Variants in ROBO2 observed in about 807,000 individuals in gnomAD.
The protein encoded by ROBO2 is roundabout homolog 2.
A neutral mutation model predicts 160.8 loss-of-function variants in ROBO2; 53 were observed. That is an observed-to-expected ratio of 0.33 (90% CI 0.26 to 0.41). The LOEUF (loss-of-function observed/expected upper bound fraction) is 0.41. ROBO2 is among the 10% of genes least tolerant of loss of function. The pLI is 1.00. For synonymous variants in ROBO2, 664 were observed against 611.7 expected, an observed-to-expected ratio of 1.09 and a Z score of -1.26; for missense variants, 1,577 against 1,722.4, an observed-to-expected ratio of 0.92 and a Z score of 1.49.
intron 2 of ROBO2, among the ~76,000 whole-genome samples, chr3:77,237,949 G>A (rs1036215924): frequency 1.3e-5 from 2 of 152,102 alleles, no homozygotes; most frequent in East Asian, 1.9e-4. Flanking sequence ...GATGTGCAAC[G>A]GTATCTCATT....
chr3:76,122,203 T>C (rs547931804), intron 2 of ROBO2, among the ~76,000 whole-genome samples: 3 of 152,046 alleles, frequency 2.0e-5, no homozygotes, highest in East Asian at 3.9e-4. Context: ...AGAAAAAATT[T>C]AGAGTCAGTC....
intron 2 of ROBO2, among the ~76,000 whole-genome samples, chr3:76,764,772 C>A (rs535278308): frequency 1.1e-3 from 162 of 151,790 alleles, no homozygotes; most frequent in African/African-American, 3.6e-3. Context: ...TCTCTAATCT[C>A]CTATGCAGTA....
At chr3:76,737,701 A>G (rs545117738) in intron 2 of ROBO2, among the ~76,000 whole-genome samples, 2 of 152,358 alleles carry the variant, frequency 1.3e-5, no homozygotes, top group Non-Finnish European at 1.5e-5. Flanking sequence ...GGAAACAACA[A>G]GAACTTCAAC....
intron 2 of ROBO2, among the ~76,000 whole-genome samples, chr3:76,658,592 T>A (rs939203251): frequency 6.6e-6 from 1 of 152,086 alleles, no homozygotes; most frequent in South Asian, 2.1e-4. Flanking sequence ...CAGTGCTTGG[T>A]TTTCTGTCTC....
intron 2 of ROBO2, among the ~76,000 whole-genome samples, chr3:77,016,035 G>A (rs1047962134): frequency 1.3e-5 from 2 of 151,572 alleles, no homozygotes; most frequent in African/African-American, 2.4e-5. Flanking sequence ...GGAGTGCTGT[G>A]GAGCAATCTC....
chr3:76,472,110 CGT>C (rs1475417747), intron 2 of ROBO2, among the ~76,000 whole-genome samples: 5,447 of 85,382 alleles, frequency 0.064, 152 homozygotes, highest in Middle Eastern at 0.093. Flanking sequence ...TGCGCGTGTG[CGT>C]GCGCATGTGT....
At chr3:76,652,923 G>T (rs1335063988) in intron 2 of ROBO2, among the ~76,000 whole-genome samples, 2 of 151,942 alleles carry the variant, frequency 1.3e-5, no homozygotes, top group African/African-American at 2.4e-5. Flanking sequence ...CTACATATGG[G>T]ACCTATAAGT....
At chr3:77,313,991 G>A (rs1333610937) in intron 2 of ROBO2, among the ~76,000 whole-genome samples, 1 of 152,200 alleles carries the variant, frequency 6.6e-6, no homozygotes, top group Non-Finnish European at 1.5e-5. Flanking sequence ...TCTGGCATAA[G>A]TATTGACTTT....
chr3:77,324,688 A>T (rs1370397314), intron 2 of ROBO2, among the ~76,000 whole-genome samples: 1 of 149,976 alleles, frequency 6.7e-6, no homozygotes, highest in Non-Finnish European at 1.5e-5. Flanking sequence ...AGGCTGAGGC[A>T]GGAGAATGGC....
intron 2 of ROBO2, among the ~76,000 whole-genome samples, chr3:76,022,286 A>C (rs2066596149): frequency 6.6e-6 from 1 of 151,762 alleles, no homozygotes; most frequent in Non-Finnish European, 1.5e-5. Flanking sequence ...GTTGGACTCA[A>C]CTTCTTCTAA....
intron 2 of ROBO2, among the ~76,000 whole-genome samples, chr3:76,195,326 A>G (rs990276349): frequency 1.3e-5 from 2 of 152,180 alleles, no homozygotes; most frequent in African/African-American, 2.4e-5. Flanking sequence ...TAAATAAGAC[A>G]TGGTCCCTGT....
At position 77,183,619 on chromosome 3, in the gene ROBO2, G is replaced by A. The variant is rs564169840; in HGVS notation, c.388+85279G>A. Among the ~76,000 whole-genome samples, 33 of 152,090 alleles carry A rather than the reference G, an allele frequency of 2.2e-4. 1 individual carries two copies. In the South Asian group the frequency reaches 5.8e-3, roughly 27 times the overall value. Reference sequence around the variant, plus strand: ...TTGAACTTCTAGGATCCAGAATTGTGAAACAATATATTTCTTTTGTGTCGG... The same window carrying A: ...TTGAACTTCTAGGATCCAGAATTGTAAAACAATATATTTCTTTTGTGTCGG... On this transcript the variant is annotated intron_variant, in intron 2 of 25. Coordinates refer to ENST00000461745, the Ensembl canonical transcript of ROBO2.
At chr3:77,124,093 G>A (rs142866148) in intron 2 of ROBO2, among the ~76,000 whole-genome samples, 65 of 151,800 alleles carry the variant, frequency 4.3e-4, no homozygotes, top group Non-Finnish European at 7.8e-4. Flanking sequence ...GGAAATCCCA[G>A]TGCCCAGTGT....
intron 2 of ROBO2, among the ~76,000 whole-genome samples, chr3:76,630,053 T>C (rs1004792454): frequency 2.6e-4 from 39 of 152,302 alleles, no homozygotes; most frequent in Non-Finnish European, 4.7e-4. Context: ...CTTGGCTGAC[T>C]TTGGTTTGCA....
At chr3:77,373,208 A>G in intron 2 of ROBO2, among the ~76,000 whole-genome samples, 1 of 148,150 alleles carries the variant, frequency 6.7e-6, no homozygotes, top group South Asian at 2.1e-4. Flanking sequence ...ATATAATAAA[A>G]TAATTAAAAT....
intron 2 of ROBO2, among the ~76,000 whole-genome samples, chr3:76,134,898 C>A (rs574455824): frequency 6.6e-6 from 1 of 152,038 alleles, no homozygotes; most frequent in African/African-American, 2.4e-5. Context: ...GACTAAGCCA[C>A]GGTAACAAAT....
intron 14 of ROBO2, among the ~76,000 whole-genome samples, chr3:77,575,607 C>A (rs1201920350): frequency 2.0e-5 from 3 of 152,060 alleles, no homozygotes; most frequent in African/African-American, 7.2e-5. Flanking sequence ...CAGTGTGATA[C>A]ACTGGCAGGG....
chr3:77,526,114 A>G (rs1051437899), intron 6 of ROBO2, among the ~76,000 whole-genome samples: 4 of 151,320 alleles, frequency 2.6e-5, no homozygotes, highest in South Asian at 2.1e-4. Context: ...AACACACCCT[A>G]TATGTTAGGC....
At chr3:76,171,359 T>C (rs1264682451) in intron 2 of ROBO2, among the ~76,000 whole-genome samples, 1 of 151,294 alleles carries the variant, frequency 6.6e-6, no homozygotes, top group African/African-American at 2.4e-5. Context: ...AAAAAAAACC[T>C]CTGAGGATTC....
Sources: gnomAD v4.1 joint callset for allele counts (sites outside exome capture counted in the v4.1 genomes callset) on GRCh38, gnomAD v4.1.1 for gene constraint, MANE v1.5 for transcripts, NCBI Gene and HGNC (gene_info 2026-07-23, HGNC 2026-07-21) for gene names.